Variants in SFMBT2 observed in about 807,000 individuals in gnomAD.
The protein encoded by SFMBT2 is scm-like with four MBT domains protein 2.
SFMBT2 carries 38 observed loss-of-function variants against 110.1 expected under a neutral mutation model. The ratio of observed to expected loss-of-function variants is 0.35; its 90% CI spans 0.27 to 0.45. SFMBT2 has a LOEUF of 0.45. Among genes scored for constraint, SFMBT2 ranks in the 20% least tolerant of loss-of-function variants. SFMBT2 has a pLI of 1.00. For synonymous variants in SFMBT2, 425 were observed against 425.4 expected (o/e 1.00, Z 0.01); for missense variants, 1,011 against 1,094.9 (o/e 0.92, Z 1.08).
intron 9 of SFMBT2, among the ~76,000 whole-genome samples, chr10:7,228,762 CT>C (rs1349661251): frequency 3.8e-5 from 5 of 133,214 alleles, no homozygotes; most frequent in Admixed American, 7.7e-5. Flanking sequence ...CTCTCTCTCT[CT>C]CTCTCTCTCT....
intron 4 of SFMBT2, among the ~76,000 whole-genome samples, chr10:7,331,729 C>T (rs1394250249): frequency 6.6e-6 from 1 of 152,156 alleles, no homozygotes; most frequent in Non-Finnish European, 1.5e-5. Context: ...ACATGGGACC[C>T]TGTGCGCATC....
chr10:7,177,931 A>G (rs1218343039), intron 16 of SFMBT2, among the ~76,000 whole-genome samples: 1 of 152,162 alleles, frequency 6.6e-6, no homozygotes, highest in Non-Finnish European at 1.5e-5. Context: ...AGACTAGACC[A>G]TGTGAGGGCA....
chr10:7,200,183 C>A (rs1280377598), intron 14 of SFMBT2, among the ~76,000 whole-genome samples: 3 of 152,144 alleles, frequency 2.0e-5, no homozygotes, highest in African/African-American at 7.2e-5. Flanking sequence ...TTTCTATAGA[C>A]TAGAACTATC....
intron 4 of SFMBT2, among the ~76,000 whole-genome samples, chr10:7,341,086 C>G (rs1843887001): frequency 6.6e-6 from 1 of 152,162 alleles, no homozygotes; most frequent in Non-Finnish European, 1.5e-5. Flanking sequence ...GTTTTCTACT[C>G]CTAATATGTC....
intron 7 of SFMBT2, among the ~76,000 whole-genome samples, chr10:7,264,756 G>A (rs555442907): frequency 4.8e-4 from 73 of 152,212 alleles, no homozygotes; most frequent in African/African-American, 1.6e-3. Flanking sequence ...AGAATTAGCT[G>A]CCTATAAAAA....
chr10:7,202,466 A>G lies in SFMBT2; in HGVS notation c.1487+14T>C, dbSNP rs752047760. On this transcript the variant is annotated intron_variant, in intron 13 of 20. Coordinates refer to ENST00000397167, the MANE Select transcript of SFMBT2 (RefSeq NM_001387889.1). ...CGGTATACAGTGTAGTCTGGAGGGGAAAAAAGCACGTACTGTTTCTCTGGT... is the reference window on the plus strand; with the variant it reads ...CGGTATACAGTGTAGTCTGGAGGGGGAAAAAGCACGTACTGTTTCTCTGGT... 13 of 1,613,406 alleles carry G rather than the reference A, an allele frequency of 8.1e-6. No homozygotes were observed. The highest frequency in any genetic ancestry group is 1.1e-5 in the Non-Finnish European group (13 of 1,179,528).
In SFMBT2 at chr10:7,197,698, C is replaced by T. The variant is rs1411652697; in HGVS notation, c.1559-11G>A. On this transcript the variant is annotated splice_polypyrimidine_tract_variant and intron_variant, in intron 14 of 20. Transcript: ENST00000397167. ...TCCCGTTGACGGTTCCTGCAGGGGA[C>T]AGCAACATAGTCCATGCTTAGGACC... The T allele has an allele frequency of 5.0e-6, 8 of 1,613,094 alleles. No homozygotes were observed. Among genetic ancestry groups the T allele is most frequent in the Non-Finnish European group, 6.8e-6 (8 of 1,179,698 alleles).
At chr10:7,398,360 C>T in intron 1 of SFMBT2, among the ~76,000 whole-genome samples, 1 of 152,182 alleles carries the variant, frequency 6.6e-6, no homozygotes, top group East Asian at 1.9e-4. Flanking sequence ...GTTAGTTGCT[C>T]AGGAGGAGAA....
intron 7 of SFMBT2, among the ~76,000 whole-genome samples, chr10:7,254,030 G>A (rs1247954877): frequency 6.6e-6 from 1 of 152,178 alleles, no homozygotes; most frequent in East Asian, 1.9e-4. Flanking sequence ...AATATTTTCT[G>A]ACGGGGTTTG....
At chr10:7,358,566 G>T (rs1298344833) in intron 4 of SFMBT2, among the ~76,000 whole-genome samples, 1 of 152,010 alleles carries the variant, frequency 6.6e-6, no homozygotes, top group African/African-American at 2.4e-5. Context: ...AGGGAGGCAT[G>T]GTTCTAGAAC....
rs113964831 is a variant in SFMBT2, at chr10:7,330,292, G to A, written c.436+37357C>T. On this transcript the variant is annotated intron_variant, in intron 4 of 20. Transcript: ENST00000397167. ...AAATAACTAGTCCAACTAGTTCCAA[G>A]GCTGCTATTTTGAGACTTCCGTTAA... Among the ~76,000 whole-genome samples, 49 of 152,274 alleles carry A rather than the reference G, an allele frequency of 3.2e-4. 2 individuals carry two copies. Among genetic ancestry groups the A allele is most frequent in the African/African-American group, 1.1e-3 (47 of 41,568 alleles).
chr10:7,230,024 T>C (rs1243429955), intron 9 of SFMBT2, among the ~76,000 whole-genome samples: 2 of 151,716 alleles, frequency 1.3e-5, no homozygotes, highest in Non-Finnish European at 2.9e-5. Flanking sequence ...GCCCTATATA[T>C]ATATATATAT....
intron 16 of SFMBT2, among the ~76,000 whole-genome samples, chr10:7,184,074 A>T (rs1838324500): frequency 6.6e-6 from 1 of 152,158 alleles, no homozygotes; most frequent in Non-Finnish European, 1.5e-5. Flanking sequence ...CTTCCTTCCC[A>T]TTAGCCAAAG....
intron 4 of SFMBT2, among the ~76,000 whole-genome samples, chr10:7,322,924 C>T (rs1843241881): frequency 6.6e-6 from 1 of 152,166 alleles, no homozygotes; most frequent in African/African-American, 2.4e-5. Context: ...CAGAGAAATG[C>T]TCTCATTTGT....
chr10:7,277,126 A>G (rs4611096), intron 6 of SFMBT2, 137 bp from the exon 7 acceptor site: 328,425 of 573,278 alleles, frequency 0.57, 98,049 homozygotes, highest in East Asian at 0.77. Context: ...CCCCATACCC[A>G]CCATGAGCAG....
intron 4 of SFMBT2, among the ~76,000 whole-genome samples, chr10:7,335,582 AACACACAC>A (rs3065781): frequency 0.015 from 2,181 of 142,988 alleles, 46 homozygotes; most frequent in African/African-American, 0.052. Flanking sequence ...CAGAAACAGA[AACACACAC>A]ACACACACAC....
At chr10:7,267,350 C>A (rs569784822) in intron 7 of SFMBT2, among the ~76,000 whole-genome samples, 1 of 152,274 alleles carries the variant, frequency 6.6e-6, no homozygotes, top group South Asian at 2.1e-4. Flanking sequence ...CAGTAAATTA[C>A]CAAACCTGGG....
intron 16 of SFMBT2, among the ~76,000 whole-genome samples, chr10:7,186,238 A>C (rs980434292): frequency 6.6e-6 from 1 of 152,000 alleles, no homozygotes; most frequent in Non-Finnish European, 1.5e-5. Context: ...TGGAAAAAAC[A>C]ACCAGAAATC....
chr10:7,284,342 TG>T, intron 5 of SFMBT2, 192 bp from the exon 6 acceptor site: 1 of 1,120,442 alleles, frequency 8.9e-7, no homozygotes, highest in Non-Finnish European at 1.2e-6. Context: ...CACACATCCA[TG>T]TACCCCATTC....
Sources: gnomAD v4.1 joint callset for allele counts (sites outside exome capture counted in the v4.1 genomes callset) on GRCh38, gnomAD v4.1.1 for gene constraint, MANE v1.5 for transcripts, NCBI Gene and HGNC (gene_info 2026-07-23, HGNC 2026-07-21) for gene names.